ZC3H12B: variants seen among roughly 807,000 people sequenced by gnomAD.
ZC3H12B encodes the protein probable ribonuclease ZC3H12B.
In ZC3H12B, 7 loss-of-function variants were observed where a neutral mutation model predicts 43.9. The observed-to-expected ratio is 0.16, with a 90% CI of 0.09 to 0.30. The LOEUF is 0.30. ZC3H12B is among the 10% of genes least tolerant of loss of function. The pLI, the probability that ZC3H12B is intolerant of heterozygous loss-of-function variation, is 1.00. For missense variants in ZC3H12B, 475 were observed against 670.2 expected (o/e 0.71, Z 3.22); for synonymous variants, 222 against 241.7 (o/e 0.92, Z 0.76).
chrX:65,338,144 T>C, the ZC3H12B span, among the ~76,000 whole-genome samples: 1 of 111,777 alleles, frequency 8.9e-6, no homozygotes, highest in Non-Finnish European at 1.9e-5. Context: ...AGTTAAGTGT[T>C]ATTTTTTTTC....
intron 2 of ZC3H12B, among the ~76,000 whole-genome samples, chrX:65,381,628 A>G (rs1409970010): frequency 8.9e-6 from 1 of 112,037 alleles, no homozygotes; most frequent in Admixed American, 9.5e-5. Context: ...GGAAATAGAG[A>G]CACAAAAAAA....
chrX:65,373,635 G>C (rs1302638000), intron 2 of ZC3H12B, among the ~76,000 whole-genome samples: 1 of 102,765 alleles, frequency 9.7e-6, no homozygotes, highest in Non-Finnish European at 2.0e-5. Flanking sequence ...GCAAACTATC[G>C]CAAGGACAGA....
At chrX:65,188,325 A>G in the ZC3H12B span, among the ~76,000 whole-genome samples, 1 of 108,133 alleles carries the variant, frequency 9.2e-6, no homozygotes, top group African/African-American at 3.4e-5. Context: ...CTATATACCT[A>G]GCAGTGACAT....
At chrX:65,179,131 A>G in the ZC3H12B span, among the ~76,000 whole-genome samples, 1 of 111,135 alleles carries the variant, frequency 9.0e-6, no homozygotes, top group South Asian at 3.8e-4. Context: ...GCTGGAAACC[A>G]TCATTCTCAG....
the ZC3H12B span, among the ~76,000 whole-genome samples, chrX:65,082,060 A>G: frequency 8.9e-6 from 1 of 112,106 alleles, no homozygotes; most frequent in African/African-American, 3.2e-5. Context: ...AAATTGAAAA[A>G]TGTCTTAAAA....
the ZC3H12B span, among the ~76,000 whole-genome samples, chrX:65,175,682 G>C: frequency 3.6e-5 from 4 of 111,426 alleles, no homozygotes; most frequent in Non-Finnish European, 1.9e-5. Flanking sequence ...GAGGTACCTG[G>C]GTCATCTCAT....
the ZC3H12B span, among the ~76,000 whole-genome samples, chrX:65,325,302 T>C: frequency 9.0e-6 from 1 of 111,448 alleles, no homozygotes; most frequent in Non-Finnish European, 1.9e-5. Flanking sequence ...GAAAGAAAGA[T>C]GTAAAACTAT....
chrX:65,215,690 T>C, the ZC3H12B span, among the ~76,000 whole-genome samples: 394 of 111,589 alleles, frequency 3.5e-3, 3 homozygotes, highest in African/African-American at 0.012. Flanking sequence ...CTTTAATTTA[T>C]TTCAATGTCT....
chrX:65,421,969 G>T (rs915137932), intron 3 of ZC3H12B, among the ~76,000 whole-genome samples: 8 of 109,260 alleles, frequency 7.3e-5, no homozygotes, highest in African/African-American at 2.3e-4. Flanking sequence ...AAAAAGAAGT[G>T]CAGCAATGAG....
At chrX:65,262,704 G>T in the ZC3H12B span, among the ~76,000 whole-genome samples, 1 of 110,823 alleles carries the variant, frequency 9.0e-6, no homozygotes, top group African/African-American at 3.3e-5. Context: ...AACTCCAAGA[G>T]GTGACACAAT....
At chrX:65,141,871 G>C in the ZC3H12B span, among the ~76,000 whole-genome samples, 2 of 111,764 alleles carry the variant, frequency 1.8e-5, no homozygotes, top group Non-Finnish European at 3.8e-5. Flanking sequence ...CCAAGTAGTA[G>C]TCCACTGTAT....
At chrX:65,287,165 A>T in the ZC3H12B span, among the ~76,000 whole-genome samples, 1 of 111,069 alleles carries the variant, frequency 9.0e-6, no homozygotes, top group Non-Finnish European at 1.9e-5. Context: ...TCAGATTTAA[A>T]CTGCACTTTT....
At chrX:65,348,807 C>A in the ZC3H12B span, among the ~76,000 whole-genome samples, 3 of 110,963 alleles carry the variant, frequency 2.7e-5, no homozygotes, top group African/African-American at 9.8e-5. Context: ...ATCAATGCAG[C>A]GAGAAGAGCT....
the ZC3H12B span, among the ~76,000 whole-genome samples, chrX:65,058,871 G>A: frequency 1.2e-4 from 13 of 112,297 alleles, no homozygotes; most frequent in East Asian, 2.5e-3. Context: ...GTGACCCTCC[G>A]AGCCAGGCGC....
chrX:65,469,617 G>T, intron 3 of ZC3H12B: 1 of 213,849 alleles, frequency 4.7e-6, no homozygotes, highest in South Asian at 1.1e-4. Flanking sequence ...TCTAGCCACT[G>T]ACCTGGATTG....
At chrX:65,059,377 T>G in the ZC3H12B span, among the ~76,000 whole-genome samples, 2 of 112,009 alleles carry the variant, frequency 1.8e-5, no homozygotes, top group Non-Finnish European at 3.8e-5. Context: ...AAGTCTTTCA[T>G]CAATTTCAAT....
the ZC3H12B span, among the ~76,000 whole-genome samples, chrX:65,094,123 C>T: frequency 9.1e-6 from 1 of 110,237 alleles, no homozygotes; most frequent in Non-Finnish European, 1.9e-5. Flanking sequence ...CTTTCTCCTG[C>T]TCCAGCCATG....
chrX:65,473,464 G>A (rs769111113), intron 3 of ZC3H12B, among the ~76,000 whole-genome samples: 1 of 112,289 alleles, frequency 8.9e-6, no homozygotes, highest in African/African-American at 3.2e-5. Context: ...GATTTTGATA[G>A]AGATTACGTT....
the ZC3H12B span, among the ~76,000 whole-genome samples, chrX:65,152,365 A>T: frequency 8.9e-6 from 1 of 111,956 alleles, no homozygotes; most frequent in Non-Finnish European, 1.9e-5. Flanking sequence ...CCTTAAGCTG[A>T]TAAGCAACTT....
Sources: allele counts gnomAD v4.1 joint callset (sites outside exome capture counted in the v4.1 genomes callset), GRCh38; gene constraint gnomAD v4.1.1; transcripts MANE v1.5; gene names NCBI Gene and HGNC (gene_info 2026-07-23, HGNC 2026-07-21).